The following PHACTR2 variants were observed in gnomAD, a reference collection of about 807,000 sequenced individuals.
PHACTR2 encodes phosphatase and actin regulator 2.
In PHACTR2, 30 loss-of-function variants were observed where a neutral mutation model predicts 76.0. The observed-to-expected ratio is 0.39, with a 90% CI of 0.30 to 0.54. The LOEUF is 0.54. Ranked by LOEUF, PHACTR2 falls within the 20% of genes least tolerant of loss-of-function variation. The pLI, the probability that PHACTR2 is intolerant of heterozygous loss-of-function variation, is 0.61. For missense variants in PHACTR2, 696 were observed against 781.1 expected (o/e 0.89, Z 1.30); for synonymous variants, 292 against 292.5 (o/e 1.00, Z 0.02).
intron 9 of PHACTR2, among the ~76,000 whole-genome samples, chr6:143,779,572 A>T (rs1336207974): frequency 6.6e-6 from 1 of 151,660 alleles, no homozygotes; most frequent in Non-Finnish European, 1.5e-5. Context: ...CTGGTCTCGA[A>T]CTCCTGACTT....
At chr6:143,814,220 G>A (rs1776248876) in intron 12 of PHACTR2, among the ~76,000 whole-genome samples, 2 of 152,292 alleles carry the variant, frequency 1.3e-5, no homozygotes, top group South Asian at 4.1e-4. Context: ...GCTGGGTGTG[G>A]TGGTACACAT....
intron 1 of PHACTR2, among the ~76,000 whole-genome samples, chr6:143,665,702 G>A (rs1777021567): frequency 6.6e-6 from 1 of 152,168 alleles, no homozygotes; most frequent in African/African-American, 2.4e-5. Context: ...TTTCTAGTCT[G>A]GATTATTCCT....
rs1018367596 is a variant in PHACTR2, at chr6:143,599,180, G to A, written c.217+61973G>A. On this transcript the variant is annotated intron_variant, in intron 1 of 11. Transcript: ENST00000367584. The surrounding 1 kb of genome is among the most constrained non-coding windows in gnomAD (Gnocchi z 4.6). ...TGGATAAGGAGACAAAAGCAGAATG[G>A]TGAAAAAGAATCATTCTCTCAATTA... 1.3e-5 allele frequency among the ~76,000 whole-genome samples: 2 copies of A among 152,072 alleles called. No homozygotes were observed. The highest frequency in any genetic ancestry group is 2.9e-5 in the Non-Finnish European group (2 of 68,010).
rs1347273694 is a variant in PHACTR2, at chr6:143,733,918, T to C, written c.215-15067T>C. ...TGCTTTTAAAAAATATCGTCTATTA[T>C]TTTCCTAAAGGTATATAATTGTGTT... On this transcript the variant is annotated intron_variant, in intron 2 of 12. Coordinates refer to ENST00000440869, the MANE Select transcript of PHACTR2 (RefSeq NM_001100164.2). The surrounding 1 kb of genome is among the most constrained non-coding windows in gnomAD (Gnocchi z 4.0). Among the ~76,000 whole-genome samples, 1 of 152,236 alleles carries C rather than the reference T, an allele frequency of 6.6e-6. No homozygotes were observed. The highest frequency in any genetic ancestry group is 2.4e-5 in the African/African-American group (1 of 41,468).
At chr6:143,758,295 A>G (rs556377576) in intron 4 of PHACTR2, among the ~76,000 whole-genome samples, 1 of 152,128 alleles carries the variant, frequency 6.6e-6, no homozygotes, top group African/African-American at 2.4e-5. Flanking sequence ...TGTGGTATAT[A>G]AGAGAATTAA....
intron 1 of PHACTR2, among the ~76,000 whole-genome samples, chr6:143,681,048 G>A (rs1777379023): frequency 6.6e-6 from 1 of 152,160 alleles, no homozygotes. Context: ...GGCTATTTAT[G>A]AATAATGCTG....
rs1048823481 is a variant in PHACTR2 at position 143,616,535 on chromosome 6, C to T, written c.13+8213C>T. ...CGCCTTCTCCTCCTTGCCATTCAGT[C>T]GTTAATTCATCCATACATCCTGGTG... On this transcript the variant is annotated intron_variant, in intron 1 of 11. Coordinates refer to the PHACTR2 transcript ENST00000305766. The surrounding 1 kb of genome is among the most constrained non-coding windows in gnomAD (Gnocchi z 4.9). 5.3e-5 allele frequency among the ~76,000 whole-genome samples: 8 copies of T among 152,114 alleles called. No homozygotes were observed. Among genetic ancestry groups the T allele is most frequent in the South Asian group, 2.1e-4 (1 of 4,820 alleles).
At chr6:143,657,085 G>A (rs1332425405) in intron 1 of PHACTR2, among the ~76,000 whole-genome samples, 1 of 151,660 alleles carries the variant, frequency 6.6e-6, no homozygotes, top group East Asian at 1.9e-4. Flanking sequence ...GCCTGTTTGG[G>A]GGTCGGGGGC....
rs752307084 is a variant in PHACTR2 at position 143,751,605 on chromosome 6, T to C, written c.296-2149T>C. ...AGGAGGTGACCCCCTTCAAACACCCTCGTGTTCCTTATTTAACCACTTGTT... is the reference window on the plus strand; with the variant it reads ...AGGAGGTGACCCCCTTCAAACACCCCCGTGTTCCTTATTTAACCACTTGTT... On this transcript the variant is annotated intron_variant, in intron 3 of 12. Transcript: ENST00000440869. The surrounding 1 kb of genome is among the most constrained non-coding windows in gnomAD (Gnocchi z 5.7). Among the ~76,000 whole-genome samples the C allele has an allele frequency of 3.9e-5, 6 of 152,162 alleles. No homozygotes were observed. Among genetic ancestry groups the C allele is most frequent in the Non-Finnish European group, 8.8e-5 (6 of 68,030 alleles).
At position 143,806,485 on chromosome 6, in the gene PHACTR2, C is replaced by T. The variant is rs1776067399; in HGVS notation, c.1846-572C>T. 2.6e-5 allele frequency among the ~76,000 whole-genome samples: 4 copies of T among 152,128 alleles called. No individual in the cohort carries two copies. Among genetic ancestry groups the T allele is most frequent in the African/African-American group, 9.7e-5 (4 of 41,414 alleles). On this transcript the variant is annotated intron_variant, in intron 11 of 12. Coordinates refer to ENST00000440869, the MANE Select transcript of PHACTR2 (RefSeq NM_001100164.2). The surrounding 1 kb of genome is among the most constrained non-coding windows in gnomAD (Gnocchi z 5.8). ...ATTGCTTCTCAGAAAATGTCATGAC[C>T]TGCACTTTCCTTGTGGTCATCGTGG...
At position 143,800,923 on chromosome 6, in the gene PHACTR2, T is replaced by C. The variant is rs545838643; in HGVS notation, c.1846-6134T>C. On this transcript the variant is annotated intron_variant, in intron 11 of 12. Coordinates refer to ENST00000440869, the MANE Select transcript of PHACTR2 (RefSeq NM_001100164.2). The surrounding 1 kb of genome is among the most constrained non-coding windows in gnomAD (Gnocchi z 4.8). ...CAAAATCTCTCAGCATTTGCTTGTG[T>C]GGAAAGGATTTTATTTCTCCTTCAC... Among the ~76,000 whole-genome samples, 10 of 152,312 alleles carry C rather than the reference T, an allele frequency of 6.6e-5. No homozygotes were observed. The South Asian group carries it at 2.1e-3, about 32-fold the overall frequency.
chr6:143,768,094 C>T (rs1339677767), intron 6 of PHACTR2, among the ~76,000 whole-genome samples: 1 of 152,172 alleles, frequency 6.6e-6, no homozygotes, highest in Admixed American at 6.5e-5. Flanking sequence ...CCTCAGCCTT[C>T]CAAAGTGCTG....
chr6:143,771,194 G>GTA (rs769993035), intron 6 of PHACTR2, among the ~76,000 whole-genome samples: 4,483 of 38,944 alleles, frequency 0.12, 349 homozygotes, highest in Non-Finnish European at 0.16. Context: ...ATATATGTGT[G>GTA]TATATATATA....
intron 2 of PHACTR2, among the ~76,000 whole-genome samples, chr6:143,740,710 A>G (rs1360295074): frequency 6.6e-6 from 1 of 152,164 alleles, no homozygotes; most frequent in Non-Finnish European, 1.5e-5. Context: ...CTACCATTTT[A>G]AAAATACCCA....
Position 143,557,540 on chromosome 6 carries a change from A to T in PHACTR2, c.217+20333A>T, listed in dbSNP as rs930341534. On this transcript the variant is annotated intron_variant, in intron 1 of 11. Coordinates refer to the PHACTR2 transcript ENST00000367584. This position sits in a 1 kb window ranked among gnomAD's most constrained non-coding sequence, Gnocchi z 5.5. ...GGGCAGGGAGGTATACCTTCCTGCTAAGATGGCTCACCCTCACCACACAGG... is the reference window on the plus strand; with the variant it reads ...GGGCAGGGAGGTATACCTTCCTGCTTAGATGGCTCACCCTCACCACACAGG... The T allele has an allele frequency of 5.3e-5, 8 of 152,226 alleles. No individual in the cohort carries two copies. Among genetic ancestry groups the T allele is most frequent in the African/African-American group, 1.7e-4 (7 of 41,456 alleles). The allele number at this position is 152,226 out of a possible 1,614,324, so 9.4% of individuals were successfully genotyped here. A position where few individuals can be genotyped will look rare whatever the true frequency, so the allele number is the denominator to read the frequency against.
chr6:143,681,972 G>A (rs1332067648), intron 1 of PHACTR2, among the ~76,000 whole-genome samples: 1 of 152,190 alleles, frequency 6.6e-6, no homozygotes, highest in East Asian at 1.9e-4. Context: ...GATTACTGTA[G>A]CTTTGTAGTA....
At chr6:143,677,178 C>T (rs1461934992), upstream of PHACTR2, among the ~76,000 whole-genome samples, 2 of 151,996 alleles carry the variant, frequency 1.3e-5, no homozygotes, top group African/African-American at 4.8e-5. Flanking sequence ...CAATCTAATG[C>T]ACCATATACA....
rs1182158264 is a variant in PHACTR2 at position 143,659,001 on chromosome 6, G to A, written c.13+50679G>A. Among the ~76,000 whole-genome samples, 6 of 148,770 alleles carry A rather than the reference G, an allele frequency of 4.0e-5. 1 individual carries two copies. The South Asian group carries it at 1.3e-3, about 32-fold the overall frequency. ...ATCATGCCACTGCACTCCAGCCTGG[G>A]CAACAAAGCAAGATTCTGTCTCAAA... On this transcript the variant is annotated intron_variant, in intron 1 of 11. Coordinates refer to the PHACTR2 transcript ENST00000305766. The surrounding 1 kb of genome is among the most constrained non-coding windows in gnomAD (Gnocchi z 5.0).
intron 2 of PHACTR2, among the ~76,000 whole-genome samples, chr6:143,725,422 G>T (rs191365925): frequency 6.7e-6 from 1 of 150,012 alleles, no homozygotes; most frequent in Non-Finnish European, 1.5e-5. Flanking sequence ...GGATGGTCTC[G>T]ATCTCCTGAC....
Sources: allele counts gnomAD v4.1 joint callset (sites outside exome capture counted in the v4.1 genomes callset), GRCh38; gene constraint gnomAD v4.1.1; non-coding constraint Gnocchi (gnomAD v3.1); transcripts MANE v1.5; gene names NCBI Gene and HGNC (gene_info 2026-07-23, HGNC 2026-07-21).